BRDT: variants seen among roughly 807,000 people sequenced by gnomAD.
BRDT encodes the protein bromodomain testis-specific protein.
BRDT carries 77 observed loss-of-function variants against 113.9 expected under a neutral mutation model. The observed-to-expected ratio is 0.68, with a 90% CI of 0.56 to 0.82. The LOEUF is 0.82. Among genes scored for constraint, BRDT ranks in the 40% least tolerant of loss-of-function variants. The probability of loss-of-function intolerance (pLI) is 0.00; values close to 1 mark genes in which losing one functional copy is unlikely to be tolerated. For synonymous variants in BRDT, 358 were observed against 366.5 expected (o/e 0.98, Z 0.26); for missense variants, 1,027 against 1,105.4 (o/e 0.93, Z 1.01).
At chr1:91,955,502 G>A (rs1681652633) in intron 1 of BRDT, among the ~76,000 whole-genome samples, 1 of 152,024 alleles carries the variant, frequency 6.6e-6, no homozygotes, top group African/African-American at 2.4e-5. Flanking sequence ...TTCTTTTGTA[G>A]GACTCTTGTG....
At position 91,978,238 on chromosome 1, in the gene BRDT, A is replaced by G. The variant is rs1684343534; in HGVS notation, c.1040A>G (p.Asn347Ser). The G allele has an allele frequency of 6.2e-7, 1 of 1,614,030 alleles. No individual in the cohort carries two copies. The highest frequency in any genetic ancestry group is 1.1e-5 in the South Asian group (1 of 91,092). ...FAADVRLMFM[N>S]CYKYNPPDHE... is the part of the protein sequence containing the mutation. ...GCAGATGTTAGATTAATGTTCATGAATTGCTACAAGTACAATCCTCCAGAT... is the reference window on the plus strand; with the variant it reads ...GCAGATGTTAGATTAATGTTCATGAGTTGCTACAAGTACAATCCTCCAGAT... The change falls in exon 7 of 19, where the codon AAT becomes AGT. Residue 347 changes from asparagine (N) to serine (S), a missense_variant. Asn to Ser is a conservative substitution (Grantham distance 46, BLOSUM62 1). Coordinates refer to ENST00000399546, the MANE Select transcript of BRDT (RefSeq NM_207189.4).
rs57800881 is a variant in BRDT at position 91,961,628 on chromosome 1, C to CAGAG, written c.-37-1078_-37-1075dup. The stretch of plus-strand genomic sequence containing the variant: ...TGGGCAACAGAATGAGACTCCATCT[C>CAGAG]AGAGAGAGAGAGAGACACCATAAAT... On this transcript the variant is annotated intron_variant, in intron 1 of 18. Coordinates refer to ENST00000399546, the MANE Select transcript of BRDT (RefSeq NM_207189.4). Among the ~76,000 whole-genome samples the CAGAG allele has an allele frequency of 2.1e-3, 325 of 151,424 alleles. 4 individuals are homozygous for CAGAG. Among genetic ancestry groups the CAGAG allele is most frequent in the African/African-American group, 5.5e-3 (228 of 41,370 alleles).
At chr1:91,964,879 G>A (rs1374597965) in intron 3 of BRDT, 115 bp downstream of exon 3, 6 of 67,228 alleles carry the variant, frequency 8.9e-5, no homozygotes, top group Non-Finnish European at 2.1e-4. Context: ...GATACTTGAC[G>A]TGTGTGTGTG....
At chr1:91,976,503 G>A in intron 5 of BRDT, 65 bp downstream of exon 5, 2 of 1,388,064 alleles carry the variant, frequency 1.4e-6, no homozygotes, top group Non-Finnish European at 9.6e-7. Flanking sequence ...CCATTTATAG[G>A]AAAATTAGTC....
chr1:91,977,541 A>T, intron 6 of BRDT, 148 bp downstream of exon 6: 2 of 671,784 alleles, frequency 3.0e-6, no homozygotes, highest in Non-Finnish European at 4.7e-6. Flanking sequence ...GGAAAATTTT[A>T]AAATATATCT....
intron 3 of BRDT, among the ~76,000 whole-genome samples, chr1:91,965,646 A>C (rs958208682): frequency 2.0e-5 from 3 of 152,028 alleles, no homozygotes; most frequent in Non-Finnish European, 4.4e-5. Context: ...TTGAGAGATC[A>C]AGACCATCCT....
chr1:91,971,426 G>T (rs1351342922), intron 4 of BRDT, among the ~76,000 whole-genome samples: 2 of 152,184 alleles, frequency 1.3e-5, no homozygotes, highest in Non-Finnish European at 1.5e-5. Context: ...AAAGACTTCT[G>T]ACAGAAGCAT....
rs79725216 is a variant in BRDT at position 91,958,689 on chromosome 1, T to A, written c.-37-4029T>A. 1.7e-3 allele frequency among the ~76,000 whole-genome samples: 264 copies of A among 152,218 alleles called. 3 individuals carry two copies. The highest frequency in any genetic ancestry group is 4.7e-3 in the African/African-American group (195 of 41,534). On this transcript the variant is annotated intron_variant, in intron 1 of 18. Transcript: ENST00000399546. ...TTTTTGTGTGGCAAGGTATTTTTTTTAAAAAATCAAGGCTGGGGGAATGTC... is the reference window on the plus strand; with the variant it reads ...TTTTTGTGTGGCAAGGTATTTTTTTAAAAAAATCAAGGCTGGGGGAATGTC...
intron 13 of BRDT, 37 bp downstream of exon 13, chr1:91,991,282 G>C (rs760738803): frequency 7.7e-7 from 1 of 1,303,790 alleles, no homozygotes; most frequent in Non-Finnish European, 1.1e-6. Flanking sequence ...AATTTTAAAA[G>C]TATGTATAAC....
intron 1 of BRDT, among the ~76,000 whole-genome samples, chr1:91,959,621 C>T (rs1005458894): frequency 2.0e-5 from 3 of 151,876 alleles, no homozygotes; most frequent in Non-Finnish European, 2.9e-5. Context: ...GCTGGGACTA[C>T]AGATGTGCAC....
At chr1:92,011,412 G>T (rs1687785219) in intron 18 of BRDT, among the ~76,000 whole-genome samples, 1 of 152,008 alleles carries the variant, frequency 6.6e-6, no homozygotes, top group South Asian at 2.1e-4. Flanking sequence ...AAACTTTTTG[G>T]TATTGTCTTT....
chr1:91,963,042 G>A, intron 2 of BRDT, 96 bp downstream of exon 2: 3 of 1,050,826 alleles, frequency 2.9e-6, no homozygotes, highest in Non-Finnish European at 4.0e-6. Flanking sequence ...AAACATATTT[G>A]GCCAGGCGCG....
At chr1:91,973,839 G>A (rs1683856919) in intron 4 of BRDT, among the ~76,000 whole-genome samples, 1 of 152,134 alleles carries the variant, frequency 6.6e-6, no homozygotes, top group Non-Finnish European at 1.5e-5. Context: ...GTGAGAGAGG[G>A]CATCCCTGTC....
chr1:91,959,213 A>G (rs79610238), intron 1 of BRDT, among the ~76,000 whole-genome samples: 8,894 of 152,148 alleles, frequency 0.058, 310 homozygotes, highest in Non-Finnish European at 0.087. Flanking sequence ...AGTAAATAAT[A>G]CTATATGTAA....
intron 1 of BRDT, among the ~76,000 whole-genome samples, chr1:91,955,304 T>G (rs1199440517): frequency 6.6e-6 from 1 of 151,798 alleles, no homozygotes; most frequent in Non-Finnish European, 1.5e-5. Context: ...ATACAAAAAT[T>G]AGCTGGGTGT....
intron 1 of BRDT, among the ~76,000 whole-genome samples, chr1:91,961,778 C>CTATTTA (rs1682474116): frequency 6.6e-6 from 1 of 152,088 alleles, no homozygotes; most frequent in African/African-American, 2.4e-5. Flanking sequence ...TTTCTTCCGA[C>CTATTTA]TAGGAATTTA....
chr1:91,997,972 T>C (rs1284593895), intron 15 of BRDT, among the ~76,000 whole-genome samples: 2 of 152,190 alleles, frequency 1.3e-5, no homozygotes, highest in African/African-American at 4.8e-5. Context: ...GAAAAATAGT[T>C]TGACAAAATG....
intron 15 of BRDT, among the ~76,000 whole-genome samples, chr1:91,994,655 A>G (rs1686107229): frequency 6.6e-6 from 1 of 151,892 alleles, no homozygotes; most frequent in South Asian, 2.1e-4. Context: ...TCACGAGGTC[A>G]GGAGATTGAG....
chr1:91,963,888 T>G (rs1682774017), intron 2 of BRDT, among the ~76,000 whole-genome samples: 1 of 151,970 alleles, frequency 6.6e-6, no homozygotes, highest in Non-Finnish European at 1.5e-5. Context: ...GCCTTTTTTT[T>G]TTTGAGACAG....
Sources: allele counts gnomAD v4.1 joint callset (sites outside exome capture counted in the v4.1 genomes callset), GRCh38; gene constraint gnomAD v4.1.1; transcripts MANE v1.5; gene names NCBI Gene and HGNC (gene_info 2026-07-23, HGNC 2026-07-21).